The following SMYD3 variants were observed in gnomAD, a reference collection of about 807,000 sequenced individuals.
The protein encoded by SMYD3 is SET and MYND domain containing 3.
In SMYD3, 36 loss-of-function variants were observed where a neutral mutation model predicts 57.7. The observed-to-expected ratio is 0.62, with a 90% confidence interval of 0.48 to 0.82. SMYD3 has a LOEUF of 0.82. Among genes scored for constraint, SMYD3 ranks in the 40% least tolerant of loss-of-function variants. The pLI, the probability that SMYD3 is intolerant of heterozygous loss-of-function variation, is 0.00. For synonymous variants in SMYD3, 211 were observed against 195.0 expected (o/e 1.08, Z -0.68); for missense variants, 515 against 538.8 (o/e 0.96, Z 0.44).
chr1:246,051,525 A>C (rs1285704095), intron 5 of SMYD3, among the ~76,000 whole-genome samples: 1 of 152,182 alleles, frequency 6.6e-6, no homozygotes, highest in East Asian at 1.9e-4. Context: ...CATTCAAATA[A>C]TGTAACTAAG....
chr1:245,801,596 T>C (rs1240143495), intron 10 of SMYD3, among the ~76,000 whole-genome samples: 1 of 152,172 alleles, frequency 6.6e-6, no homozygotes, highest in African/African-American at 2.4e-5. Context: ...TTTCTTCATC[T>C]ATAAAGTGTG....
At position 246,041,916 on chromosome 1, in the gene SMYD3, C is replaced by A. The variant is rs976668918; in HGVS notation, c.532-111979G>T. Among the ~76,000 whole-genome samples, 4 of 152,118 alleles carry A rather than the reference C, an allele frequency of 2.6e-5. No individual in the cohort carries two copies. The South Asian group carries it at 8.3e-4, about 32-fold the overall frequency. On this transcript the variant is annotated intron_variant, in intron 5 of 11. Transcript: ENST00000490107. ...AATTGCTACCTGCGTATTTCCTGGGCCCTTATGAGGTACACTCTGAAACAC... is the reference window on the plus strand; with the variant it reads ...AATTGCTACCTGCGTATTTCCTGGGACCTTATGAGGTACACTCTGAAACAC...
At position 246,300,791 on chromosome 1, in the gene SMYD3, G is replaced by C. The variant is rs115150668; in HGVS notation, c.531+26410C>G. Among the ~76,000 whole-genome samples, 831 of 152,176 alleles carry C rather than the reference G, an allele frequency of 5.5e-3. 8 individuals carry two copies. Among genetic ancestry groups the C allele is most frequent in the Non-Finnish European group, 8.7e-3 (590 of 67,998 alleles). ...TAATATATGCAAGCCACAGTGCCTG[G>C]AATACAGCCAGTATTCAATGTTGGC... On this transcript the variant is annotated intron_variant, in intron 5 of 11. Coordinates refer to ENST00000490107, the MANE Select transcript of SMYD3 (RefSeq NM_001167740.2).
intron 10 of SMYD3, among the ~76,000 whole-genome samples, chr1:245,821,892 AAAC>A (rs1359455347): frequency 6.7e-6 from 1 of 149,752 alleles, no homozygotes; most frequent in African/African-American, 2.4e-5. Context: ...AAAAGTCAGG[AAAC>A]AACAGGTGCT....
chr1:246,086,555 C>T lies in SMYD3; in HGVS notation c.532-156618G>A, dbSNP rs1339199608. On this transcript the variant is annotated intron_variant, in intron 5 of 11. Coordinates refer to ENST00000490107, the MANE Select transcript of SMYD3 (RefSeq NM_001167740.2). ...TAGATTTATTACTAAGTACTTGATG[C>T]TTTTTATTTTTATTTTTAGATTTCA... Among the ~76,000 whole-genome samples the T allele has an allele frequency of 2.7e-5, 4 of 147,280 alleles. No individual in the cohort carries two copies. The East Asian group carries it at 7.9e-4, about 29-fold the overall frequency.
intron 5 of SMYD3, among the ~76,000 whole-genome samples, chr1:246,099,665 T>G (rs1240764300): frequency 2.6e-5 from 4 of 151,970 alleles, no homozygotes; most frequent in Non-Finnish European, 5.9e-5. Flanking sequence ...TGATTTAAAG[T>G]GAAAGGGAAA....
intron 1 of SMYD3, among the ~76,000 whole-genome samples, chr1:246,448,183 C>A (rs2067575910): frequency 6.6e-6 from 1 of 152,148 alleles, no homozygotes; most frequent in African/African-American, 2.4e-5. Context: ...CGCCATTGCA[C>A]TCCAGCTAGG....
intron 10 of SMYD3, among the ~76,000 whole-genome samples, chr1:245,771,099 TATAC>T (rs2046316458): frequency 6.6e-6 from 1 of 151,908 alleles, no homozygotes; most frequent in Non-Finnish European, 1.5e-5. Flanking sequence ...TACCCACATA[TATAC>T]ATACATATAT....
In SMYD3 at chr1:246,355,198, G is replaced by A. The variant is rs2065892403; in HGVS notation, c.165-104C>T. The A allele has an allele frequency of 9.0e-7, 1 of 1,106,536 alleles. No individual in the cohort carries two copies. 68.5% of individuals were successfully genotyped at this position (1,106,536 alleles called of 1,614,324 possible). ...CAACATACGGACACCCGTATGTTCT[G>A]TTTACTCCATTATGTACAGTCCCTT... On this transcript the variant is annotated intron_variant, in intron 1 of 11. Transcript: ENST00000490107. The surrounding 1 kb of genome is among the most constrained non-coding windows in gnomAD (Gnocchi z 5.0).
chr1:245,805,858 A>G (rs2048121603), intron 10 of SMYD3, among the ~76,000 whole-genome samples: 1 of 152,230 alleles, frequency 6.6e-6, no homozygotes, highest in South Asian at 2.1e-4. Flanking sequence ...GCTTGGGCAC[A>G]TTATTTGAAG....
chr1:246,012,729 G>T (rs917866646), intron 5 of SMYD3, among the ~76,000 whole-genome samples: 3 of 152,118 alleles, frequency 2.0e-5, no homozygotes, highest in African/African-American at 7.2e-5. Flanking sequence ...CAGGGAAAAG[G>T]CAGAAGGAAA....
chr1:245,993,599 T>TAGATAGACAGAC (rs200823571), intron 5 of SMYD3, among the ~76,000 whole-genome samples: 3 of 45,670 alleles, frequency 6.6e-5, no homozygotes, highest in East Asian at 2.8e-4. Flanking sequence ...GATAGATAGA[T>TAGATAGACAGAC]AGATAGATAG....
Position 246,173,277 on chromosome 1 carries a change from A to C in SMYD3, c.531+153924T>G, listed in dbSNP as rs191137497. 5.9e-5 allele frequency among the ~76,000 whole-genome samples: 9 copies of C among 152,028 alleles called. No homozygotes were observed. The East Asian group carries it at 1.7e-3, about 30-fold the overall frequency. The stretch of plus-strand genomic sequence containing the variant: ...CGGCCTAGAACACTCACTGTACTCT[A>C]CTGTAGACTTTATCAACACTACACA... On this transcript the variant is annotated intron_variant, in intron 5 of 11. Coordinates refer to ENST00000490107, the MANE Select transcript of SMYD3 (RefSeq NM_001167740.2).
intron 1 of SMYD3, among the ~76,000 whole-genome samples, chr1:246,492,255 T>A (rs1015815164): frequency 3.9e-5 from 6 of 152,158 alleles, no homozygotes; most frequent in Non-Finnish European, 8.8e-5. Flanking sequence ...TAATTAGAGA[T>A]TAAAAAATAA....
At chr1:246,131,431 T>C (rs1055901534) in intron 5 of SMYD3, among the ~76,000 whole-genome samples, 7 of 152,158 alleles carry the variant, frequency 4.6e-5, no homozygotes, top group African/African-American at 2.4e-5. Flanking sequence ...GGACTTTGAG[T>C]GCCTGCACTT....
rs544985834 is a variant in SMYD3, at chr1:246,341,710, C to T, written c.229-6236G>A. On this transcript the variant is annotated intron_variant, in intron 2 of 11. Transcript: ENST00000490107. ...AGAAAATCAATTTATTTCTTTCTTACGCAAAATAACATTTGCACTATTATC... is the reference window on the plus strand; with the variant it reads ...AGAAAATCAATTTATTTCTTTCTTATGCAAAATAACATTTGCACTATTATC... Among the ~76,000 whole-genome samples, 118 of 152,274 alleles carry T rather than the reference C, an allele frequency of 7.7e-4. 1 individual carries two copies. Among genetic ancestry groups the T allele is most frequent in the Middle Eastern group, 3.4e-3 (1 of 294 alleles).
chr1:245,927,157 G>C (rs377399365), intron 7 of SMYD3, among the ~76,000 whole-genome samples: 1 of 152,208 alleles, frequency 6.6e-6, no homozygotes, highest in Non-Finnish European at 1.5e-5. Context: ...AGAAGGAAAC[G>C]GGGTTCTGGA....
chr1:245,862,982 T>C (rs2051636710), intron 9 of SMYD3, among the ~76,000 whole-genome samples: 1 of 152,210 alleles, frequency 6.6e-6, no homozygotes, highest in South Asian at 2.1e-4. Flanking sequence ...TACCTCCTTC[T>C]CTGGCTCTTT....
chr1:246,037,568 G>A (rs923496724), intron 5 of SMYD3, among the ~76,000 whole-genome samples: 1 of 152,140 alleles, frequency 6.6e-6, no homozygotes, highest in African/African-American at 2.4e-5. Flanking sequence ...AGCCTTCTTC[G>A]GATGACCCAT....
Sources: allele counts gnomAD v4.1 joint callset (sites outside exome capture counted in the v4.1 genomes callset), GRCh38; gene constraint gnomAD v4.1.1; non-coding constraint Gnocchi (gnomAD v3.1); transcripts MANE v1.5; gene names NCBI Gene and HGNC (gene_info 2026-07-23, HGNC 2026-07-21).